ENTPD7: variants seen among roughly 807,000 people sequenced by gnomAD.
The protein encoded by ENTPD7 is NTPDase 7.
ENTPD7 carries 53 observed loss-of-function variants against 77.9 expected under a neutral mutation model. The observed-to-expected ratio is 0.68, with a 90% CI of 0.55 to 0.85. ENTPD7 has a LOEUF of 0.85. Ranked by LOEUF, ENTPD7 falls within the 40% of genes least tolerant of loss-of-function variation. The probability of loss-of-function intolerance (pLI) is 0.00; values close to 1 mark genes in which losing one functional copy is unlikely to be tolerated. For missense variants in ENTPD7, 636 were observed against 743.7 expected (o/e 0.86, Z 1.68); for synonymous variants, 248 against 274.9 (o/e 0.90, Z 0.97).
At position 99,689,423 on chromosome 10, in the gene ENTPD7, G is replaced by A. The variant is rs1313936756; in HGVS notation, c.709+673G>A. ...AAAGCAAGAAAAAATTGGATCACCT[G>A]GTAGAAAGAATTTGCCACATGCTAG... On this transcript the variant is annotated intron_variant, in intron 7 of 12. Transcript: ENST00000370489. Among the ~76,000 whole-genome samples, 5 of 152,216 alleles carry A rather than the reference G, an allele frequency of 3.3e-5. No homozygotes were observed. The East Asian group carries it at 9.6e-4, about 29-fold the overall frequency.
intron 9 of ENTPD7, among the ~76,000 whole-genome samples, chr10:99,698,319 C>T (rs1469683860): frequency 2.0e-5 from 3 of 152,134 alleles, no homozygotes; most frequent in African/African-American, 7.2e-5. Context: ...ACTAAAATGT[C>T]GAACAGAATT....
intron 3 of ENTPD7, among the ~76,000 whole-genome samples, chr10:99,677,063 C>T (rs1450732473): frequency 3.3e-5 from 5 of 152,116 alleles, no homozygotes; most frequent in African/African-American, 9.7e-5. Flanking sequence ...TTTTGTCTAA[C>T]GATGTGAAAT....
At position 99,659,860 on chromosome 10, in the gene ENTPD7, A is replaced by G. The variant is rs2035454304; in HGVS notation, c.-95-2A>G. On this transcript the variant is annotated splice_acceptor_variant, in intron 1 of 12. Transcript: ENST00000370489. LOFTEE classifies it low-confidence loss of function (5UTR_SPLICE). This position sits in a 1 kb window ranked among gnomAD's most constrained non-coding sequence, Gnocchi z 4.1. Reference sequence around the variant, plus strand: ...CAGAAGCCTGAAATCAAATCTTTCTAGGCTGCAGACGTAGGAGATGCCTGG... The same window carrying G: ...CAGAAGCCTGAAATCAAATCTTTCTGGGCTGCAGACGTAGGAGATGCCTGG... The G allele has an allele frequency of 1.9e-6, 3 of 1,555,578 alleles. No homozygotes were observed. The highest frequency in any genetic ancestry group is 2.6e-6 in the Non-Finnish European group (3 of 1,132,468).
intron 10 of ENTPD7, 95 bp from the exon 11 acceptor site, chr10:99,700,878 C>A: frequency 1.0e-6 from 1 of 998,692 alleles, no homozygotes; most frequent in Non-Finnish European, 1.6e-6. Flanking sequence ...TGGTAGCCCA[C>A]AAGTAACTTT....
At chr10:99,666,841 G>T (rs1392302193) in intron 3 of ENTPD7, among the ~76,000 whole-genome samples, 1 of 152,274 alleles carries the variant, frequency 6.6e-6, no homozygotes, top group South Asian at 2.1e-4. Flanking sequence ...AAAACAGAAT[G>T]GTTGTGTGGA....
At position 99,711,186 on chromosome 10, in the gene ENTPD7, A is replaced by C; in HGVS notation, c.*6503A>C. The C allele has an allele frequency of 1.0e-6, 1 of 985,406 alleles. No homozygotes were observed. Among genetic ancestry groups the C allele is most frequent in the African/African-American group, 1.7e-5 (1 of 57,370 alleles). 61.0% of individuals were successfully genotyped at this position (985,406 alleles called of 1,614,324 possible). A position where few individuals can be genotyped will look rare whatever the true frequency, so the allele number is the denominator to read the frequency against. Reference sequence around the variant, plus strand: ...CTAAATGCAACCAGTTGTTTTTCCAAATGTACTCATCATCTGTAATAAAAG... The same window carrying C: ...CTAAATGCAACCAGTTGTTTTTCCACATGTACTCATCATCTGTAATAAAAG... On this transcript the variant is annotated 3_prime_UTR_variant, in exon 13 of 13. Coordinates refer to ENST00000370489, the MANE Select transcript of ENTPD7 (RefSeq NM_020354.5).
rs1246636904 is a variant in ENTPD7, at chr10:99,709,354, T to C, written c.*4671T>C. On this transcript the variant is annotated 3_prime_UTR_variant, in exon 13 of 13. Transcript: ENST00000370489. ...GTGTAATGTTGATTGGGAATAAGAA[T>C]TATGGTAGAAATAGCAGATGTTTCA... The C allele has an allele frequency of 2.0e-6, 2 of 985,306 alleles. No homozygotes were observed. The highest frequency in any genetic ancestry group is 1.7e-5 in the African/African-American group (1 of 57,244). The allele number at this position is 985,306 out of a possible 1,614,324, so 61.0% of individuals were successfully genotyped here.
At position 99,702,657 on chromosome 10, in the gene ENTPD7, C is replaced by T. The variant is rs749800930; in HGVS notation, c.1567C>T (p.Arg523Ter). Residue 523 changes from arginine (R) to a stop codon, truncating the protein, a stop_gained, in exon 12 of 13, where the codon CGA (arginine) becomes TGA (stop). Transcript: ENST00000370489. LOFTEE classifies it high-confidence loss of function. Reference sequence around the variant, plus strand: ...GCTGGGAGCCATTCTATATAAAACACGATTCTTACCACTCAGGTAAAGTAA... The same window carrying T: ...GCTGGGAGCCATTCTATATAAAACATGATTCTTACCACTCAGGTAAAGTAA... ...WTLGAILYKT[R>*]FLPLRDLRQE... 11 of 1,610,838 alleles carry T rather than the reference C, an allele frequency of 6.8e-6. No homozygotes were observed. The highest frequency in any genetic ancestry group is 2.2e-5 in the East Asian group (1 of 44,770).
At chr10:99,676,534 AGATTGCTAT>A (rs1431373719) in intron 3 of ENTPD7, among the ~76,000 whole-genome samples, 2 of 152,208 alleles carry the variant, frequency 1.3e-5, no homozygotes, top group South Asian at 4.1e-4. Flanking sequence ...TGAAATAGAA[AGATTGCTAT>A]GATTGGAAAT....
At position 99,708,717 on chromosome 10, in the gene ENTPD7, A is replaced by G. The variant is rs1423935468; in HGVS notation, c.*4034A>G. 1 of 536,972 alleles carries G rather than the reference A, an allele frequency of 1.9e-6. No homozygotes were observed. The highest frequency in any genetic ancestry group is 2.4e-6 in the Non-Finnish European group (1 of 420,396). 33.3% of individuals were successfully genotyped at this position (536,972 alleles called of 1,614,324 possible). ...TCTAATAGTAATCATAATAAATTTC[A>G]GAAGAGTTTTAAAGCTTCTGGTCAA... On this transcript the variant is annotated 3_prime_UTR_variant, in exon 13 of 13. Coordinates refer to ENST00000370489, the MANE Select transcript of ENTPD7 (RefSeq NM_020354.5).
At position 99,661,612 on chromosome 10, in the gene ENTPD7, G is replaced by A; in HGVS notation, c.175G>A (p.Asp59Asn). Residue 59 changes from aspartate (D) to asparagine (N), a missense_variant, in exon 3 of 13, where the codon GAT becomes AAT. Physicochemically the swap from Asp to Asn is conservative, Grantham distance 23. Transcript: ENST00000370489. ...FRHWSASLPR[D>N]RQYERYLARV... ...ACATTGGAGTGCTTCATTACCACGAGATAGGCAATACGAAAGGTGAGTCAG... is the reference window on the plus strand; with the variant it reads ...ACATTGGAGTGCTTCATTACCACGAAATAGGCAATACGAAAGGTGAGTCAG... The A allele has an allele frequency of 1.2e-6, 2 of 1,606,312 alleles. No individual in the cohort carries two copies. The highest frequency in any genetic ancestry group is 8.5e-7 in the Non-Finnish European group (1 of 1,177,554).
At chr10:99,665,087 C>CA (rs996541910) in intron 3 of ENTPD7, among the ~76,000 whole-genome samples, 2 of 151,690 alleles carry the variant, frequency 1.3e-5, no homozygotes, top group African/African-American at 4.8e-5. Flanking sequence ...TCTGTCTCTA[C>CA]AAAAAAATAT....
At position 99,690,995 on chromosome 10, in the gene ENTPD7, C is replaced by CT. The variant is rs575922825; in HGVS notation, c.710-382dup. Among the ~76,000 whole-genome samples, 9 of 151,902 alleles carry CT rather than the reference C, an allele frequency of 5.9e-5. No homozygotes were observed. The East Asian group carries it at 1.5e-3, about 26-fold the overall frequency. On this transcript the variant is annotated intron_variant, in intron 7 of 12. Coordinates refer to ENST00000370489, the MANE Select transcript of ENTPD7 (RefSeq NM_020354.5). Reference sequence around the variant, plus strand: ...TTCAGTTAGTATACTTGTTTGCTTTCTTTTTTTTATTTTGAGACAGGTTCT... The same window carrying CT: ...TTCAGTTAGTATACTTGTTTGCTTTCTTTTTTTTTATTTTGAGACAGGTTCT...
intron 5 of ENTPD7, among the ~76,000 whole-genome samples, chr10:99,682,889 G>A (rs562876812): frequency 5.3e-5 from 8 of 152,278 alleles, no homozygotes; most frequent in Admixed American, 3.9e-4. Flanking sequence ...GCTGAGCTGG[G>A]CAGAGGAACC....
At chr10:99,674,245 CTG>C (rs941308255) in intron 3 of ENTPD7, among the ~76,000 whole-genome samples, 3 of 152,134 alleles carry the variant, frequency 2.0e-5, no homozygotes, top group Non-Finnish European at 4.4e-5. Flanking sequence ...TGGAGGGTCT[CTG>C]AGACACTTTT....
At chr10:99,661,411 A>T in intron 2 of ENTPD7, 35 bp from the exon 3 acceptor site, 3 of 1,550,276 alleles carry the variant, frequency 1.9e-6, no homozygotes, top group Non-Finnish European at 2.6e-6. Context: ...AGTTGTAGAA[A>T]TGTTTCAGAC....
intron 9 of ENTPD7, chr10:99,697,819 T>G (rs1268926776): frequency 6.5e-6 from 1 of 153,710 alleles, no homozygotes; most frequent in African/African-American, 2.4e-5. Context: ...TAACTGCAAT[T>G]GGCAAAGTTA....
At chr10:99,698,501 T>A in intron 9 of ENTPD7, 33 bp from the exon 10 acceptor site, 1 of 1,559,892 alleles carries the variant, frequency 6.4e-7, no homozygotes, top group Non-Finnish European at 8.8e-7. Context: ...CATGACGTGT[T>A]TGTTTGTTTG....
At chr10:99,667,153 T>C (rs1288525488) in intron 3 of ENTPD7, among the ~76,000 whole-genome samples, 1 of 152,254 alleles carries the variant, frequency 6.6e-6, no homozygotes, top group Non-Finnish European at 1.5e-5. Flanking sequence ...TGTGGCGACC[T>C]CACCAAAGTC....
Sources: allele counts gnomAD v4.1 joint callset (sites outside exome capture counted in the v4.1 genomes callset), GRCh38; gene constraint gnomAD v4.1.1; non-coding constraint Gnocchi (gnomAD v3.1); transcripts MANE v1.5; gene names NCBI Gene and HGNC (gene_info 2026-07-23, HGNC 2026-07-21).